Variants in SAMD7 observed in about 807,000 individuals in gnomAD.
SAMD7 encodes the protein sterile alpha motif domain-containing protein 7.
SAMD7 carries 34 observed loss-of-function variants against 36.7 expected under a neutral mutation model. That is an observed-to-expected ratio of 0.93 (90% CI 0.71 to 1.23). SAMD7 has a LOEUF of 1.23. SAMD7 is among the 50% of genes most tolerant of loss of function. The pLI is 0.00. For missense variants in SAMD7, 570 were observed against 546.6 expected (o/e 1.04, Z -0.43); for synonymous variants, 188 against 189.7 (o/e 0.99, Z 0.07).
In SAMD7 at chr3:169,938,369, A is replaced by T; in HGVS notation, c.1204A>T (p.Ile402Leu). The T allele has an allele frequency of 6.2e-7, 1 of 1,612,944 alleles. No homozygotes were observed. The highest frequency in any genetic ancestry group is 8.5e-7 in the Non-Finnish European group (1 of 1,178,906). ...CTACAAGAAAACTCTTTCATTTCCT[A>T]TAAGACAAGCATTTGATCAACCAGC... ...MFYKKTLSFP[I>L]RQAFDQPADT... Residue 402 changes from isoleucine (I) to leucine (L), a missense_variant, in exon 9 of 9, where the codon ATA becomes TTA. Transcript: ENST00000335556.
chr3:169,922,374 G>A (rs934762160), intron 4 of SAMD7, among the ~76,000 whole-genome samples: 1 of 152,132 alleles, frequency 6.6e-6, no homozygotes. Flanking sequence ...ACAAGTGAGG[G>A]GAACCAGTGA....
In SAMD7 at chr3:169,939,053, T is replaced by C. The variant is rs566358874; in HGVS notation, c.*547T>C. ...ATTTTCGAGTTTTGGCCAGGCGCGG[T>C]GGCTCACGGCTGTAATCCCAACACT... is the stretch of plus-strand genomic sequence containing the variant. On this transcript the variant is annotated 3_prime_UTR_variant, in exon 9 of 9. Coordinates refer to ENST00000335556, the MANE Select transcript of SAMD7 (RefSeq NM_001304366.2). 3.9e-5 allele frequency: 6 copies of C among 152,270 alleles called. No homozygotes were observed. Among genetic ancestry groups the C allele is most frequent in the African/African-American group, 1.4e-4 (6 of 41,482 alleles). The allele number at this position is 152,270 out of a possible 1,614,324, so 9.4% of individuals were successfully genotyped here. A position where few individuals can be genotyped will look rare whatever the true frequency, so the allele number is the denominator to read the frequency against.
Position 169,918,015 on chromosome 3 carries a change from G to A in SAMD7, c.-41-1443G>A, listed in dbSNP as rs371482085. Among the ~76,000 whole-genome samples, 185 of 152,042 alleles carry A rather than the reference G, an allele frequency of 1.2e-3. 2 individuals carry two copies. The South Asian group carries it at 0.036, about 30-fold the overall frequency. On this transcript the variant is annotated intron_variant, in intron 2 of 8. Coordinates refer to ENST00000335556, the MANE Select transcript of SAMD7 (RefSeq NM_001304366.2). ...TGCAGTGGCGCCATCTCAGCTCAAC[G>A]CAACCTCCACTTCCCAGATTCAAGC...
Position 169,926,963 on chromosome 3 carries a change from A to T in SAMD7, c.701A>T (p.Asn234Ile). The change falls in exon 6 of 9, where the codon AAC becomes ATC. Residue 234 changes from asparagine (N) to isoleucine (I), a missense_variant. Transcript: ENST00000335556. ...AKDPDIEAPS[N>I]QKSSETNEKP... ...GACCCAGACATTGAAGCACCCAGCA[A>T]CCAGAAGTCAAGTGAAACGAATGAA... 6.2e-7 allele frequency: 1 copy of T among 1,614,080 alleles called. No homozygotes were observed. The highest frequency in any genetic ancestry group is 8.5e-7 in the Non-Finnish European group (1 of 1,180,002).
chr3:169,938,613 A>C lies in SAMD7; in HGVS notation c.*107A>C. The C allele has an allele frequency of 1.4e-6, 1 of 732,450 alleles. No homozygotes were observed. The highest frequency in any genetic ancestry group is 2.1e-6 in the Non-Finnish European group (1 of 465,636). The allele number at this position is 732,450 out of a possible 1,614,324, so 45.4% of individuals were successfully genotyped here. On this transcript the variant is annotated 3_prime_UTR_variant, in exon 9 of 9. Transcript: ENST00000335556. ...GTACTGGATGGAGAATGAGAAGAGA[A>C]AGTCAGCCTTTCTGGGGCTTTCATG...
intron 7 of SAMD7, among the ~76,000 whole-genome samples, chr3:169,930,027 T>C (rs1028620304): frequency 1.3e-5 from 2 of 152,254 alleles, no homozygotes. Context: ...CCTTATTTAA[T>C]AAGCATGTGA....
rs192815064 is a variant in SAMD7 at position 169,913,297 on chromosome 3, A to C, written c.-117+1476A>C. 3.1e-3 allele frequency among the ~76,000 whole-genome samples: 469 copies of C among 152,324 alleles called. 1 individual carries two copies. Among genetic ancestry groups the C allele is most frequent in the African/African-American group, 0.011 (440 of 41,590 alleles). On this transcript the variant is annotated intron_variant, in intron 1 of 8. Transcript: ENST00000335556. ...GTCAAATATAGGGTTTTCCAAACTC[A>C]AATTGCACTGATTTTAATGAAAGAT...
rs191452075 is a variant in SAMD7 at position 169,938,646 on chromosome 3, C to T, written c.*140C>T. 2.3e-5 allele frequency: 14 copies of T among 602,298 alleles called. No homozygotes were observed. Among genetic ancestry groups the T allele is most frequent in the Non-Finnish European group, 3.9e-5 (14 of 355,514 alleles). The allele number at this position is 602,298 out of a possible 1,614,324, so 37.3% of individuals were successfully genotyped here. On this transcript the variant is annotated 3_prime_UTR_variant, in exon 9 of 9. Coordinates refer to ENST00000335556, the MANE Select transcript of SAMD7 (RefSeq NM_001304366.2). The stretch of plus-strand genomic sequence containing the variant: ...CTTTCTGGGGCTTTCATGGAGGAGA[C>T]TTGCCCAAGGGGCTTCCCTGCCAGG...
intron 7 of SAMD7, among the ~76,000 whole-genome samples, chr3:169,929,690 G>A (rs1713411923): frequency 6.6e-6 from 1 of 152,136 alleles, no homozygotes; most frequent in African/African-American, 2.4e-5. Flanking sequence ...TACATTTTCA[G>A]AGGATTTTTG....
chr3:169,927,251 A>G, intron 6 of SAMD7, 70 bp downstream of exon 6: 4 of 1,094,254 alleles, frequency 3.7e-6, no homozygotes, highest in Non-Finnish European at 3.8e-6. Flanking sequence ...TTACTACATA[A>G]TAAACTGTAA....
intron 6 of SAMD7, 100 bp downstream of exon 6, chr3:169,927,281 C>CTTTTT: frequency 4.4e-6 from 1 of 225,348 alleles, no homozygotes; most frequent in Non-Finnish European, 7.8e-6. Context: ...CTCTTTTTAT[C>CTTTTT]TTTCTTTTTT....
chr3:169,932,677 G>A, intron 7 of SAMD7: 3 of 555,904 alleles, frequency 5.4e-6, no homozygotes, highest in South Asian at 4.2e-5. Flanking sequence ...TCACACTTTG[G>A]CTTCCAGATG....
Position 169,938,654 on chromosome 3 carries a change from A to G in SAMD7, c.*148A>G, listed in dbSNP as rs1713813064. ...GGCTTTCATGGAGGAGACTTGCCCA[A>G]GGGGCTTCCCTGCCAGGGCTGAATG... On this transcript the variant is annotated 3_prime_UTR_variant, in exon 9 of 9. Coordinates refer to ENST00000335556, the MANE Select transcript of SAMD7 (RefSeq NM_001304366.2). 4 of 573,194 alleles carry G rather than the reference A, an allele frequency of 7.0e-6. No homozygotes were observed. Among genetic ancestry groups the G allele is most frequent in the Non-Finnish European group, 1.2e-5 (4 of 333,016 alleles). The allele number at this position is 573,194 out of a possible 1,614,324, so 35.5% of individuals were successfully genotyped here.
intron 4 of SAMD7, among the ~76,000 whole-genome samples, chr3:169,924,759 T>C (rs1713185095): frequency 6.6e-6 from 1 of 152,114 alleles, no homozygotes; most frequent in Admixed American, 6.5e-5. Context: ...AAGGCACAGA[T>C]CACGAGATTC....
At chr3:169,917,286 A>G (rs933135988) in intron 2 of SAMD7, among the ~76,000 whole-genome samples, 1 of 152,236 alleles carries the variant, frequency 6.6e-6, no homozygotes, top group South Asian at 2.1e-4. Flanking sequence ...ATTAAATCAA[A>G]CACACAATTT....
intron 7 of SAMD7, chr3:169,933,266 T>G: frequency 2.0e-6 from 1 of 491,674 alleles, no homozygotes. Flanking sequence ...AAACTTCTTT[T>G]TACAAAGATA....
chr3:169,926,540 G>T lies in SAMD7; in HGVS notation c.291-13G>T. The T allele has an allele frequency of 6.3e-7, 1 of 1,595,836 alleles. No homozygotes were observed. The highest frequency in any genetic ancestry group is 8.5e-7 in the Non-Finnish European group (1 of 1,169,788). The stretch of plus-strand genomic sequence containing the variant: ...TTTCTTGGGCTGTATAAAATATATT[G>T]TTTTGTTTTTAGGACAGAAATGGAA... On this transcript the variant is annotated splice_polypyrimidine_tract_variant and intron_variant, in intron 5 of 8. Transcript: ENST00000335556.
At position 169,927,185 on chromosome 3, in the gene SAMD7, G is replaced by A. The variant is rs752358778; in HGVS notation, c.919+4G>A. 2 of 1,519,762 alleles carry A rather than the reference G, an allele frequency of 1.3e-6. No individual in the cohort carries two copies. The highest frequency in any genetic ancestry group is 2.8e-5 in the African/African-American group (2 of 71,626). 94.1% of individuals were successfully genotyped at this position (1,519,762 alleles called of 1,614,324 possible). On this transcript the variant is annotated splice_donor_region_variant and intron_variant, in intron 6 of 8. Transcript: ENST00000335556. ...GTTCCTCGACCATCTCTGCCAGGTG[G>A]GTGTCCAGGGGCCAATGGCAGATCC...
At chr3:169,923,392 A>G (rs954016692) in intron 4 of SAMD7, among the ~76,000 whole-genome samples, 1 of 152,246 alleles carries the variant, frequency 6.6e-6, no homozygotes, top group East Asian at 1.9e-4. Context: ...GCTGGCAGCA[A>G]TAACCCAGTA....
Sources: allele counts gnomAD v4.1 joint callset (sites outside exome capture counted in the v4.1 genomes callset), GRCh38; gene constraint gnomAD v4.1.1; transcripts MANE v1.5; gene names NCBI Gene and HGNC (gene_info 2026-07-23, HGNC 2026-07-21).